The following HERC2 variants were observed in gnomAD, a reference collection of about 807,000 sequenced individuals.
HERC2 encodes HECT and RLD domain containing E3 ubiquitin protein ligase 2.
Under a neutral mutation model 537.7 loss-of-function variants are expected in HERC2, and 102 were observed. That is an observed-to-expected ratio of 0.19 (90% CI 0.16 to 0.22). HERC2 has a LOEUF of 0.22. Among genes scored for constraint, HERC2 ranks in the 10% least tolerant of loss-of-function variants. HERC2 has a pLI of 1.00. For missense variants in HERC2, 4,236 were observed against 6,198.2 expected, an observed-to-expected ratio of 0.68 and a Z score of 10.63; for synonymous variants, 2,224 against 2,466.2, an observed-to-expected ratio of 0.90 and a Z score of 2.91.
rs202126440 is a variant in HERC2 at position 28,178,914 on chromosome 15, C to T, written c.9136G>A (p.Val3046Met). 7.4e-6 allele frequency: 12 copies of T among 1,614,064 alleles called. No individual in the cohort carries two copies. Among genetic ancestry groups the T allele is most frequent in the South Asian group, 1.1e-5 (1 of 91,080 alleles). Residue 3046 changes from valine (V) to methionine (M), a missense_variant, in exon 59 of 93, where the codon GTG becomes ATG. Transcript: ENST00000261609. ...GAGTGAACAGCCACCTTCTTGACCA[C>T]GTAGCTGCTGAGAGCTGTGATCTGC... ...PRQITALSSYVVKKVAVHSGG... is the reference protein window; with the variant it reads ...PRQITALSSYMVKKVAVHSGG...
At chr15:28,142,200 T>C (rs777734121) in intron 76 of HERC2, 38 bp downstream of exon 76, 14 of 1,591,166 alleles carry the variant, frequency 8.8e-6, no homozygotes, top group Admixed American at 3.5e-5. Context: ...AATAATGTTT[T>C]TGCATCCCAA....
At chr15:28,128,137 A>T (rs1283699800) in intron 83 of HERC2, among the ~76,000 whole-genome samples, 1 of 152,240 alleles carries the variant, frequency 6.6e-6, no homozygotes, top group Non-Finnish European at 1.5e-5. Context: ...CTACAAAATA[A>T]CTGGTGTCAA....
At chr15:28,225,849 A>G (rs940948615) in intron 35 of HERC2, among the ~76,000 whole-genome samples, 2 of 152,200 alleles carry the variant, frequency 1.3e-5, no homozygotes, top group Admixed American at 6.5e-5. Context: ...TAGCCTAGAT[A>G]AAATGGACAC....
intron 38 of HERC2, among the ~76,000 whole-genome samples, chr15:28,217,468 C>T (rs1258762879): frequency 2.0e-5 from 3 of 152,154 alleles, no homozygotes; most frequent in African/African-American, 4.8e-5. Flanking sequence ...CACTAATACA[C>T]GCATGCTCTC....
In HERC2 at chr15:28,265,962, C is replaced by T; in HGVS notation, c.1611G>A (p.Glu537=). The T allele has an allele frequency of 2.5e-6, 4 of 1,614,148 alleles. No individual in the cohort carries two copies. Among genetic ancestry groups the T allele is most frequent in the Non-Finnish European group, 3.4e-6 (4 of 1,180,020 alleles). Residue 537 remains glutamate (E), a synonymous_variant, in exon 13 of 93, where the codon GAG becomes GAA. Transcript: ENST00000261609. This position sits in a 1 kb window ranked among gnomAD's most constrained non-coding sequence, Gnocchi z 4.0. ...CAGAGAAGGCGGAGATCACCTTAGG[C>T]TCCTCCAAAGGCCTTGGGGAGAAAG... The part of the protein sequence containing the change: ...LGHGDTVPLE[E]PKVISAFSGK...
intron 55 of HERC2, 115 bp from the exon 56 acceptor site, chr15:28,186,867 C>CT (rs1896358273): frequency 3.3e-6 from 2 of 613,460 alleles, no homozygotes; most frequent in East Asian, 5.4e-5. Flanking sequence ...AGCTCCTTTA[C>CT]TTCAGTTCTG....
chr15:28,155,540 G>T (rs1372071457), intron 69 of HERC2, among the ~76,000 whole-genome samples: 6 of 151,730 alleles, frequency 4.0e-5, no homozygotes, highest in Non-Finnish European at 8.8e-5. Context: ...TTTTTCATGT[G>T]TCTGGTGGCT....
At position 28,233,495 on chromosome 15, in the gene HERC2, A is replaced by C. The variant is rs1902096475; in HGVS notation, c.4418T>G (p.Leu1473Trp). The C allele has an allele frequency of 1.3e-6, 2 of 1,523,726 alleles. No individual in the cohort carries two copies. The highest frequency in any genetic ancestry group is 9.1e-7 in the Non-Finnish European group (1 of 1,098,088). The allele number at this position is 1,523,726 out of a possible 1,614,324, so 94.4% of individuals were successfully genotyped here. The change falls in exon 29 of 93, where the codon TTG (leucine) becomes TGG (tryptophan). Residue 1473 changes from leucine (L) to tryptophan (W), a missense_variant. Coordinates refer to ENST00000261609, the MANE Select transcript of HERC2 (RefSeq NM_004667.6). The part of the protein sequence containing the change: ...LGIEQVKHRT[L>W]PKSVVDVCRV... ...ACAAACATCCACCACTGACTTAGGC[A>C]ACGTTCTGTGCTTTACTTGCTCAAT...
chr15:28,321,145 C>T (rs1249564757), intron 2 of HERC2, among the ~76,000 whole-genome samples: 1 of 152,152 alleles, frequency 6.6e-6, no homozygotes, highest in East Asian at 1.9e-4. Flanking sequence ...TCTCAAGTTT[C>T]GTGCACTTGC....
At chr15:28,263,369 G>A (rs2075465830) in intron 14 of HERC2, among the ~76,000 whole-genome samples, 200 bp from the exon 15 acceptor site, 1 of 152,200 alleles carries the variant, frequency 6.6e-6, no homozygotes, top group African/African-American at 2.4e-5. Flanking sequence ...GAAAGGGAAA[G>A]CTGAGTTTTC....
At chr15:28,175,790 T>C in intron 63 of HERC2, 134 bp from the exon 64 acceptor site, 6 of 865,740 alleles carry the variant, frequency 6.9e-6, no homozygotes, top group East Asian at 2.6e-5. Context: ...GTCTTCAAAC[T>C]TGTATTCAAA....
At chr15:28,253,504 C>T (rs1252117598) in intron 20 of HERC2, among the ~76,000 whole-genome samples, 1 of 152,218 alleles carries the variant, frequency 6.6e-6, no homozygotes, top group Non-Finnish European at 1.5e-5. Context: ...AGTATCATCA[C>T]ACCCTCCAAC....
At chr15:28,247,642 C>A (rs573950915) in intron 21 of HERC2, among the ~76,000 whole-genome samples, 9 of 152,162 alleles carry the variant, frequency 5.9e-5, no homozygotes, top group South Asian at 2.1e-4. Context: ...GTTGGTCAGG[C>A]TGGTCTTGAA....
chr15:28,273,147 T>C (rs1441423774), intron 7 of HERC2, 143 bp from the exon 8 acceptor site: 9 of 667,868 alleles, frequency 1.3e-5, no homozygotes, highest in Non-Finnish European at 1.9e-5. Context: ...TGATACTTGC[T>C]ACTCAAATTT....
intron 70 of HERC2, among the ~76,000 whole-genome samples, chr15:28,151,263 G>GT (rs1377993926): frequency 6.6e-6 from 1 of 152,162 alleles, no homozygotes; most frequent in Non-Finnish European, 1.5e-5. Flanking sequence ...AGAGACAGAT[G>GT]TAACAGAAGA....
At chr15:28,251,003 CAT>C (rs1286639099) in intron 20 of HERC2, among the ~76,000 whole-genome samples, 1 of 152,106 alleles carries the variant, frequency 6.6e-6, no homozygotes, top group Non-Finnish European at 1.5e-5. Context: ...ACCAATGTCC[CAT>C]ACAGGACCCC....
intron 67 of HERC2, 57 bp from the exon 68 acceptor site, chr15:28,167,884 A>G: frequency 1.3e-6 from 2 of 1,541,088 alleles, no homozygotes; most frequent in Non-Finnish European, 1.8e-6. Context: ...GCAACATAAC[A>G]CATTTCCTAT....
In HERC2 at chr15:28,274,358, T is replaced by C. The variant is rs1457370259; in HGVS notation, c.733A>G (p.Thr245Ala). Residue 245 changes from threonine (T) to alanine (A), a missense_variant, in exon 7 of 93, where the codon ACC becomes GCC. By Grantham distance (58) the Thr-to-Ala change is moderately conservative. Transcript: ENST00000261609. ...LPEASLFDES[T>A]VSSVWLEVVE... Reference sequence around the variant, plus strand: ...ACCTCCAGCCACACAGAGGACACGGTGCTCTCGTCAAAGAGCGAGGCCTCG... The same window carrying C: ...ACCTCCAGCCACACAGAGGACACGGCGCTCTCGTCAAAGAGCGAGGCCTCG... 14 of 1,614,094 alleles carry C rather than the reference T, an allele frequency of 8.7e-6. No individual in the cohort carries two copies. Among genetic ancestry groups the C allele is most frequent in the Non-Finnish European group, 1.2e-5 (14 of 1,180,036 alleles).
chr15:28,272,133 C>A, intron 9 of HERC2, 82 bp downstream of exon 9: 1 of 1,259,408 alleles, frequency 7.9e-7, no homozygotes, highest in East Asian at 2.5e-5. Context: ...AAAACACTGC[C>A]GTTGACATGC....
Sources: gnomAD v4.1 joint callset for allele counts (sites outside exome capture counted in the v4.1 genomes callset) on GRCh38, gnomAD v4.1.1 for gene constraint, Gnocchi (gnomAD v3.1) non-coding constraint, MANE v1.5 for transcripts, NCBI Gene and HGNC (gene_info 2026-07-23, HGNC 2026-07-21) for gene names.